ENTPD1: variants seen among roughly 807,000 people sequenced by gnomAD.
The protein encoded by ENTPD1 is ATP diphosphohydrolase.
In ENTPD1, 33 loss-of-function variants were observed where a neutral mutation model predicts 57.0. That is an observed-to-expected ratio of 0.58 (90% confidence interval 0.44 to 0.77). ENTPD1 has a LOEUF of 0.77. Among genes scored for constraint, ENTPD1 ranks in the 30% least tolerant of loss-of-function variants. The pLI is 0.00. For missense variants in ENTPD1, 501 were observed against 603.4 expected (o/e 0.83, Z 1.78); for synonymous variants, 202 against 218.8 (o/e 0.92, Z 0.68).
intron 1 of ENTPD1, among the ~76,000 whole-genome samples, chr10:95,804,072 T>C (rs1411040840): frequency 6.6e-6 from 1 of 152,244 alleles, no homozygotes; most frequent in Non-Finnish European, 1.5e-5. Context: ...CTCTCTGTTT[T>C]GGTACCAGTA....
At chr10:95,813,113 G>A (rs1466398073) in intron 1 of ENTPD1, among the ~76,000 whole-genome samples, 1 of 152,138 alleles carries the variant, frequency 6.6e-6, no homozygotes, top group Non-Finnish European at 1.5e-5. Context: ...AAGAGAAGAG[G>A]AGACTTTATT....
chr10:95,844,003 C>T (rs747680657), intron 4 of ENTPD1, among the ~76,000 whole-genome samples: 2 of 152,174 alleles, frequency 1.3e-5, no homozygotes, highest in Non-Finnish European at 2.9e-5. Context: ...GATTGGATAT[C>T]TATTCCAGGT....
intron 1 of ENTPD1, among the ~76,000 whole-genome samples, chr10:95,766,005 T>C (rs2098087012): frequency 6.6e-6 from 1 of 152,160 alleles, no homozygotes; most frequent in African/African-American, 2.4e-5. Context: ...TTTACTTTTT[T>C]TGTTGTTGTA....
chr10:95,757,696 G>A (rs1282253850), intron 1 of ENTPD1, among the ~76,000 whole-genome samples: 1 of 152,118 alleles, frequency 6.6e-6, no homozygotes, highest in African/African-American at 2.4e-5. Flanking sequence ...ACCAGTCACA[G>A]CTAGTTGTCA....
chr10:95,757,440 A>G (rs993393787), intron 1 of ENTPD1, among the ~76,000 whole-genome samples: 1 of 152,178 alleles, frequency 6.6e-6, no homozygotes, highest in African/African-American at 2.4e-5. Flanking sequence ...CCACTCCCCA[A>G]TACTGTTTCT....
In ENTPD1 at chr10:95,872,391, T is replaced by C. The variant is rs960264116; in HGVS notation, c.*6008T>C. ...ATGTTTCCTACACTACACTACACTATACTACACTACAGCCAGGTAGAATGA... is the reference window on the plus strand; with the variant it reads ...ATGTTTCCTACACTACACTACACTACACTACACTACAGCCAGGTAGAATGA... On this transcript the variant is annotated 3_prime_UTR_variant, in exon 10 of 10. Transcript: ENST00000371205. 2.7e-5 allele frequency: 27 copies of C among 985,278 alleles called. No homozygotes were observed. Among genetic ancestry groups the C allele is most frequent in the Non-Finnish European group, 3.1e-5 (26 of 829,918 alleles). 61.0% of individuals were successfully genotyped at this position (985,278 alleles called of 1,614,324 possible). A position where few individuals can be genotyped will look rare whatever the true frequency, so the allele number is the denominator to read the frequency against.
At chr10:95,775,373 G>A (rs2098130161) in intron 1 of ENTPD1, among the ~76,000 whole-genome samples, 1 of 152,188 alleles carries the variant, frequency 6.6e-6, no homozygotes, top group African/African-American at 2.4e-5. Context: ...TGTTGAATAG[G>A]AGTGGTGAGA....
chr10:95,732,191 A>T (rs1218423568), intron 1 of ENTPD1, among the ~76,000 whole-genome samples: 2 of 152,206 alleles, frequency 1.3e-5, no homozygotes, highest in Non-Finnish European at 2.9e-5. Flanking sequence ...TTAGGCCAGC[A>T]ATGATTACAG....
intron 1 of ENTPD1, among the ~76,000 whole-genome samples, chr10:95,749,289 T>C (rs2098009335): frequency 6.6e-6 from 1 of 152,236 alleles, no homozygotes; most frequent in Admixed American, 6.5e-5. Context: ...GTTCTAAAGG[T>C]GAACAGTGAT....
At chr10:95,729,255 G>T (rs1260786090) in intron 1 of ENTPD1, among the ~76,000 whole-genome samples, 1 of 152,076 alleles carries the variant, frequency 6.6e-6, no homozygotes, top group East Asian at 1.9e-4. Flanking sequence ...ATTATATTCA[G>T]AGAAACACAG....
intron 1 of ENTPD1, among the ~76,000 whole-genome samples, chr10:95,803,086 C>A (rs1031666689): frequency 6.6e-6 from 1 of 152,146 alleles, no homozygotes; most frequent in Non-Finnish European, 1.5e-5. Context: ...TGTTCTAGTT[C>A]TGTGAAGAAT....
intron 1 of ENTPD1, among the ~76,000 whole-genome samples, chr10:95,818,668 G>C (rs1303401346): frequency 6.6e-6 from 1 of 152,190 alleles, no homozygotes; most frequent in East Asian, 1.9e-4. Flanking sequence ...GGATCTTCAA[G>C]CCCCTGAGTG....
intron 2 of ENTPD1, among the ~76,000 whole-genome samples, chr10:95,832,540 C>A (rs4917715): frequency 2.0e-5 from 3 of 151,858 alleles, no homozygotes; most frequent in African/African-American, 4.8e-5. Context: ...TAACTGAACA[C>A]TGGCAGTTAG....
Position 95,844,543 on chromosome 10 carries a change from T to G in ENTPD1, c.481T>G (p.Phe161Val). The G allele has an allele frequency of 6.2e-7, 1 of 1,614,214 alleles. No individual in the cohort carries two copies. The highest frequency in any genetic ancestry group is 8.5e-7 in the Non-Finnish European group (1 of 1,180,032). The stretch of plus-strand genomic sequence containing the variant: ...GGAGAGGAGCCTCAGCAACTACCCC[T>G]TTGACTTCCAGGGTGCCAGGATCAT... ...VVERSLSNYP[F>V]DFQGARIITG... Residue 161 changes from phenylalanine to valine, a missense_variant, in exon 5 of 10, where the codon TTT becomes GTT. Transcript: ENST00000371205.
At chr10:95,778,150 A>G (rs1237058913) in intron 1 of ENTPD1, among the ~76,000 whole-genome samples, 5 of 152,138 alleles carry the variant, frequency 3.3e-5, no homozygotes, top group Non-Finnish European at 7.4e-5. Context: ...CATGGGCTGC[A>G]CCCACTGTCC....
rs1339767034 is a variant in ENTPD1, at chr10:95,817,926, A to G, written c.17-5311A>G. On this transcript the variant is annotated intron_variant, in intron 1 of 9. Transcript: ENST00000371205. ...CTAGTTCATAGTAATAATGTGTTCA[A>G]TAAGTAATTATTGAGTGACCAACTG... 4.6e-5 allele frequency among the ~76,000 whole-genome samples: 7 copies of G among 152,238 alleles called. No individual in the cohort carries two copies. The East Asian group carries it at 7.7e-4, about 17-fold the overall frequency.
Position 95,762,390 on chromosome 10 carries a change from GTT to G in ENTPD1, c.16+6152_16+6153del, listed in dbSNP as rs5787157. Reference sequence around the variant, plus strand: ...AATATTTTGGTGCCATTTCCTGGCAGTTTTTTTTTTTTTTTTTTACTATGCCT... The same window carrying G: ...AATATTTTGGTGCCATTTCCTGGCAGTTTTTTTTTTTTTTTTACTATGCCT... On this transcript the variant is annotated intron_variant, in intron 1 of 9. Coordinates refer to ENST00000371205, the MANE Select transcript of ENTPD1 (RefSeq NM_001776.6). 1.4e-3 allele frequency among the ~76,000 whole-genome samples: 187 copies of G among 134,598 alleles called. 2 individuals carry two copies. The highest frequency in any genetic ancestry group is 3.5e-3 in the African/African-American group (128 of 36,494). The allele number at this position is 134,598 out of a possible 152,430, so 88.3% of individuals were successfully genotyped here.
chr10:95,844,128 T>C (rs2098428652), intron 4 of ENTPD1, among the ~76,000 whole-genome samples: 1 of 152,164 alleles, frequency 6.6e-6, no homozygotes, highest in Non-Finnish European at 1.5e-5. Context: ...CAGCTTCAGG[T>C]ATGGTCATCA....
chr10:95,812,548 T>G (rs993631002), intron 1 of ENTPD1, among the ~76,000 whole-genome samples: 1 of 152,246 alleles, frequency 6.6e-6, no homozygotes, highest in Non-Finnish European at 1.5e-5. Context: ...GTTGGAAATA[T>G]CTAGGTACAT....
Sources: allele counts gnomAD v4.1 joint callset (sites outside exome capture counted in the v4.1 genomes callset), GRCh38; gene constraint gnomAD v4.1.1; transcripts MANE v1.5; gene names NCBI Gene and HGNC (gene_info 2026-07-23, HGNC 2026-07-21).